Variants in ITIH5 observed in about 807,000 individuals in gnomAD.
ITIH5 encodes inter-alpha-trypsin inhibitor heavy chain 5, also known as inter-alpha-trypsin inhibitor heavy chain H5.
A neutral mutation model predicts 77.5 loss-of-function variants in ITIH5; 65 were observed. The ratio of observed to expected loss-of-function variants is 0.84; its 90% CI spans 0.69 to 1.03. The LOEUF is 1.03. Ranked by LOEUF, ITIH5 falls within the 50% of genes least tolerant of loss-of-function variation. ITIH5 has a pLI of 0.00. For missense variants in ITIH5, 1,208 were observed against 1,213.1 expected (o/e 1.00, Z 0.06); for synonymous variants, 525 against 494.3 (o/e 1.06, Z -0.82).
At chr10:7,640,638 A>C (rs1833869937) in intron 4 of ITIH5, 116 bp downstream of exon 4, 2 of 659,956 alleles carry the variant, frequency 3.0e-6, no homozygotes, top group South Asian at 3.7e-5. Flanking sequence ...TTTGATAAAA[A>C]AGAAAGAGAA....
At chr10:7,625,445 A>C (rs1175833599) in intron 5 of ITIH5, among the ~76,000 whole-genome samples, 3 of 152,210 alleles carry the variant, frequency 2.0e-5, no homozygotes, top group Non-Finnish European at 2.9e-5. Context: ...CAATGTGAAT[A>C]GACTTAACAC....
intron 7 of ITIH5, among the ~76,000 whole-genome samples, chr10:7,588,275 T>C (rs1832722729): frequency 6.6e-6 from 1 of 152,102 alleles, no homozygotes; most frequent in South Asian, 2.1e-4. Context: ...TCTCAGCACT[T>C]TGGGAGGCCG....
chr10:7,576,324 TG>T, intron 10 of ITIH5, 128 bp downstream of exon 10: 1 of 846,646 alleles, frequency 1.2e-6, no homozygotes, highest in African/African-American at 1.7e-5. Flanking sequence ...ATACCCGGTC[TG>T]GGTTATTGTT....
Position 7,615,986 on chromosome 10 carries a change from C to A in ITIH5, c.935G>T (p.Arg312Leu), listed in dbSNP as rs539191742. Residue 312 changes from arginine (R) to leucine (L), a missense_variant, in exon 7 of 14, where the codon CGG (arginine) becomes CTG (leucine). By Grantham distance (102) the Arg-to-Leu change is moderately radical. Coordinates refer to ENST00000397146, the MANE Select transcript of ITIH5 (RefSeq NM_030569.7). ...SSASMVGTKL[R>L]QTKDALFTIL... ...GGGCGGTTGGCACTCACTCACCTGC[C>A]GGAGTTTGGTTCCCACCATAGAAGC... is the stretch of plus-strand genomic sequence containing the variant. The A allele has an allele frequency of 6.3e-7, 1 of 1,584,260 alleles. No individual in the cohort carries two copies. Among genetic ancestry groups the A allele is most frequent in the South Asian group, 1.1e-5 (1 of 90,292 alleles).
chr10:7,645,173 C>T (rs193227844), intron 2 of ITIH5, among the ~76,000 whole-genome samples: 51 of 151,566 alleles, frequency 3.4e-4, no homozygotes, highest in Non-Finnish European at 5.7e-4. Context: ...TTAACGAAAA[C>T]GTTAGGGGGA....
chr10:7,586,827 G>T (rs1279950595), intron 7 of ITIH5, among the ~76,000 whole-genome samples: 2 of 144,050 alleles, frequency 1.4e-5, no homozygotes, highest in African/African-American at 5.2e-5. Flanking sequence ...AACTGGAAGG[G>T]CATTCTTCTT....
At chr10:7,567,297 G>A (rs1253940073) in intron 12 of ITIH5, among the ~76,000 whole-genome samples, 2 of 149,588 alleles carry the variant, frequency 1.3e-5, no homozygotes, top group African/African-American at 2.5e-5. Flanking sequence ...ACCAGAGGCT[G>A]CTGATCCTAA....
At chr10:7,572,339 T>C (rs1832318116) in intron 11 of ITIH5, 2 of 1,367,580 alleles carry the variant, frequency 1.5e-6, no homozygotes, top group South Asian at 1.1e-5. Context: ...TCCAGGATGC[T>C]GGCAAAAGGA....
chr10:7,585,910 G>A lies in ITIH5; in HGVS notation c.1099C>T (p.Pro367Ser), dbSNP rs1347721387. 14 of 1,608,994 alleles carry A rather than the reference G, an allele frequency of 8.7e-6. No homozygotes were observed. The highest frequency in any genetic ancestry group is 1.2e-5 in the Non-Finnish European group (14 of 1,177,924). Reference protein sequence around the residue: ...DGKVYIHHMSPTGGTDINGAL... With the variant: ...DGKVYIHHMSSTGGTDINGAL... Reference sequence around the variant, plus strand: ...AAGGTGTCATCTTTACCTCCAGTGGGTGACATATGGTGAATGTACACTTTC... The same window carrying A: ...AAGGTGTCATCTTTACCTCCAGTGGATGACATATGGTGAATGTACACTTTC... The change falls in exon 8 of 14, where the codon CCC becomes TCC. Residue 367 changes from proline (P) to serine (S), a missense_variant. Physicochemically the swap from Pro to Ser is moderately conservative, Grantham distance 74. Coordinates refer to ENST00000397146, the MANE Select transcript of ITIH5 (RefSeq NM_030569.7).
chr10:7,665,324 AG>A (rs1015847981), intron 1 of ITIH5, among the ~76,000 whole-genome samples: 8 of 152,316 alleles, frequency 5.3e-5, no homozygotes, highest in Admixed American at 1.3e-4. Flanking sequence ...CCCCCAAAAA[AG>A]TTTCAAGATC....
chr10:7,628,657 G>C (rs542730408), intron 5 of ITIH5, among the ~76,000 whole-genome samples: 1 of 118,572 alleles, frequency 8.4e-6, no homozygotes, highest in Non-Finnish European at 1.9e-5. Context: ...CATGTTGTCT[G>C]GGTTGTCACA....
intron 1 of ITIH5, among the ~76,000 whole-genome samples, chr10:7,660,991 C>T (rs1014154791): frequency 3.9e-5 from 6 of 152,320 alleles, no homozygotes; most frequent in East Asian, 1.9e-4. Flanking sequence ...GAGCAGTGGG[C>T]GAGCCCGCAT....
Position 7,624,812 on chromosome 10 carries a change from T to TATATATAC in ITIH5, c.653-7531_653-7530insGTATATAT, listed in dbSNP as rs1259915493. ...AAAAAAAAAAAAATATATATATATA[T>TATATATAC]ACACATATATATGTGTATATACATG... On this transcript the variant is annotated intron_variant, in intron 5 of 13. Coordinates refer to ENST00000397146, the MANE Select transcript of ITIH5 (RefSeq NM_030569.7). 1.8e-5 allele frequency among the ~76,000 whole-genome samples: 2 copies of TATATATAC among 110,664 alleles called. 1 individual carries two copies. The highest frequency in any genetic ancestry group is 5.8e-4 in the South Asian group (2 of 3,420). The allele number at this position is 110,664 out of a possible 152,430, so 72.6% of individuals were successfully genotyped here.
intron 5 of ITIH5, among the ~76,000 whole-genome samples, chr10:7,635,893 G>A (rs1425953592): frequency 6.6e-6 from 1 of 152,110 alleles, no homozygotes; most frequent in Non-Finnish European, 1.5e-5. Context: ...GTCATTCTAT[G>A]ATTGTGCAGC....
intron 11 of ITIH5, chr10:7,572,225 A>C: frequency 7.8e-7 from 1 of 1,281,892 alleles, no homozygotes; most frequent in Non-Finnish European, 1.0e-6. Context: ...CACGTACAGC[A>C]CAGCAGCAGA....
intron 5 of ITIH5, among the ~76,000 whole-genome samples, chr10:7,625,078 G>C (rs1323296851): frequency 6.6e-6 from 1 of 151,532 alleles, no homozygotes; most frequent in South Asian, 2.1e-4. Flanking sequence ...CCTTTGCAGG[G>C]TTCTCTGGCA....
chr10:7,632,186 A>C (rs1348301034), intron 5 of ITIH5, among the ~76,000 whole-genome samples: 1 of 152,198 alleles, frequency 6.6e-6, no homozygotes, highest in Non-Finnish European at 1.5e-5. Context: ...ATCCAAGGGA[A>C]TAGATCTCAA....
Position 7,561,806 on chromosome 10 carries a change from G to C in ITIH5, c.*1277C>G, listed in dbSNP as rs1290362149. ...AAGCCCCGTGGAAGAAGCCTCTTGTGAGGCCAGCCCCAGAGCCTTGAACTC... is the reference window on the plus strand; with the variant it reads ...AAGCCCCGTGGAAGAAGCCTCTTGTCAGGCCAGCCCCAGAGCCTTGAACTC... On this transcript the variant is annotated 3_prime_UTR_variant, in exon 14 of 14. Coordinates refer to ENST00000397146, the MANE Select transcript of ITIH5 (RefSeq NM_030569.7). 6.6e-6 allele frequency: 1 copy of C among 152,208 alleles called. No homozygotes were observed. Among genetic ancestry groups the C allele is most frequent in the Non-Finnish European group, 1.5e-5 (1 of 68,052 alleles). 9.4% of individuals were successfully genotyped at this position (152,208 alleles called of 1,614,324 possible).
intron 2 of ITIH5, among the ~76,000 whole-genome samples, chr10:7,653,894 C>G (rs570736411): frequency 2.0e-5 from 3 of 152,220 alleles, no homozygotes; most frequent in Non-Finnish European, 4.4e-5. Flanking sequence ...GTGGCTCACG[C>G]CTGTAATCCC....
Sources: gnomAD v4.1 joint callset for allele counts (sites outside exome capture counted in the v4.1 genomes callset) on GRCh38, gnomAD v4.1.1 for gene constraint, MANE v1.5 for transcripts, NCBI Gene and HGNC (gene_info 2026-07-23, HGNC 2026-07-21) for gene names.